Variants in BUB1B observed in about 807,000 individuals in gnomAD.
The protein encoded by BUB1B is mitotic checkpoint serine/threonine-protein kinase BUB1 beta.
Under a neutral mutation model 137.7 loss-of-function variants are expected in BUB1B, and 86 were observed. The ratio of observed to expected loss-of-function variants is 0.62; its 90% CI spans 0.52 to 0.75. The LOEUF is 0.75. Ranked by LOEUF, BUB1B falls within the 30% of genes least tolerant of loss-of-function variation. The probability of loss-of-function intolerance (pLI) is 0.00; values close to 1 mark genes in which losing one functional copy is unlikely to be tolerated. For missense variants in BUB1B, 1,130 were observed against 1,236.9 expected, an observed-to-expected ratio of 0.91 and a Z score of 1.30; for synonymous variants, 420 against 417.9, an observed-to-expected ratio of 1.00 and a Z score of -0.06.
At chr15:40,208,598 T>G (rs754565503) in intron 15 of BUB1B, 39 bp from the exon 16 acceptor site, 2 of 1,553,878 alleles carry the variant, frequency 1.3e-6, no homozygotes, top group East Asian at 4.7e-5. Flanking sequence ...TTGATATATA[T>G]TATTCCTATA....
rs1222969573 is a variant in BUB1B at position 40,200,379 on chromosome 15, AG to A, written c.1517+23del. The A allele has an allele frequency of 6.3e-7, 1 of 1,585,456 alleles. No individual in the cohort carries two copies. The highest frequency in any genetic ancestry group is 1.7e-5 in the Admixed American group (1 of 59,928). On this transcript the variant is annotated intron_variant, in intron 11 of 22. Transcript: ENST00000287598. ...TGCCAGGTAAGACTACATAGGTGGA[AG>A]GGACAATGCATATAGGAGGGCATTT...
rs2037533683 is a variant in BUB1B at position 40,199,192 on chromosome 15, C to T, written c.1289-423C>T. Among the ~76,000 whole-genome samples the T allele has an allele frequency of 2.0e-5, 3 of 152,156 alleles. No homozygotes were observed. The South Asian group carries it at 6.2e-4, about 32-fold the overall frequency. ...TCCCTGATCACTGGTCTTAAGTAGC[C>T]CTCCCTTGGCCTCCATCTCCCTACC... On this transcript the variant is annotated intron_variant, in intron 9 of 22. Transcript: ENST00000287598.
At position 40,205,175 on chromosome 15, in the gene BUB1B, G is replaced by C. The variant is rs562546502; in HGVS notation, c.1735-1009G>C. 2.6e-5 allele frequency among the ~76,000 whole-genome samples: 4 copies of C among 152,206 alleles called. No homozygotes were observed. The South Asian group carries it at 8.3e-4, about 32-fold the overall frequency. On this transcript the variant is annotated intron_variant, in intron 14 of 22. Transcript: ENST00000287598. ...TTGGCCAGGCTGGTCTCGAGCGCCT[G>C]ACCTCAGGTGATCCACCCAACTCAG...
Position 40,206,464 on chromosome 15 carries a change from T to C in BUB1B, c.2009+6T>C. 1 of 1,614,090 alleles carries C rather than the reference T, an allele frequency of 6.2e-7. No individual in the cohort carries two copies. Among genetic ancestry groups the C allele is most frequent in the Non-Finnish European group, 8.5e-7 (1 of 1,180,002 alleles). ...CTCAGCATCAAGAAGCTGAGGTGAT[T>C]GGGGATTTACAGGTTTTACAAACCA... On this transcript the variant is annotated splice_donor_region_variant and intron_variant, in intron 15 of 22. Coordinates refer to ENST00000287598, the MANE Select transcript of BUB1B (RefSeq NM_001211.6).
At chr15:40,217,795 C>A in intron 21 of BUB1B, 128 bp downstream of exon 21, 1 of 1,131,956 alleles carries the variant, frequency 8.8e-7, no homozygotes, top group Non-Finnish European at 1.3e-6. Flanking sequence ...TTTCAAATAT[C>A]ACCAAGTCAA....
intron 19 of BUB1B, 98 bp from the exon 20 acceptor site, chr15:40,213,234 A>G: frequency 7.3e-7 from 1 of 1,371,978 alleles, no homozygotes; most frequent in Middle Eastern, 2.5e-4. Context: ...CCAGTAGAGA[A>G]CAAGGAAGAC....
At chr15:40,172,911 C>T (rs1281379808) in intron 4 of BUB1B, among the ~76,000 whole-genome samples, 1 of 152,116 alleles carries the variant, frequency 6.6e-6, no homozygotes, top group East Asian at 1.9e-4. Context: ...TCTGTGGACC[C>T]TGGTGGTGTA....
chr15:40,177,389 T>C lies in BUB1B; in HGVS notation c.581+716T>C, dbSNP rs1302020276. Reference sequence around the variant, plus strand: ...TTTTTACATTTAGATCCCTGATCCATTTTGAGTTAATTTTTGTAGAGGATA... The same window carrying C: ...TTTTTACATTTAGATCCCTGATCCACTTTGAGTTAATTTTTGTAGAGGATA... On this transcript the variant is annotated intron_variant, in intron 5 of 22. Coordinates refer to ENST00000287598, the MANE Select transcript of BUB1B (RefSeq NM_001211.6). 2.6e-5 allele frequency among the ~76,000 whole-genome samples: 4 copies of C among 152,118 alleles called. No individual in the cohort carries two copies. The East Asian group carries it at 7.7e-4, about 29-fold the overall frequency.
chr15:40,170,121 G>C lies in BUB1B; in HGVS notation c.239G>C (p.Arg80Thr), dbSNP rs1566815941. The C allele has an allele frequency of 6.2e-7, 1 of 1,612,302 alleles. No homozygotes were observed. Among genetic ancestry groups the C allele is most frequent in the Middle Eastern group, 1.7e-4 (1 of 6,060 alleles). The change falls in exon 3 of 23, where the codon AGG becomes ACG. Residue 80 changes from arginine to threonine, a missense_variant and splice_region_variant. Transcript: ENST00000287598. ...TGNDPLDVWD[R>T]YISWTEQNYP... The stretch of plus-strand genomic sequence containing the variant: ...AATGACCCTCTGGATGTTTGGGATA[G>C]GTGGGTCTTTTTATTTCACAAGGAC...
intron 18 of BUB1B, among the ~76,000 whole-genome samples, chr15:40,210,579 G>A (rs1056657773): frequency 2.2e-4 from 33 of 152,070 alleles, no homozygotes; most frequent in Middle Eastern, 3.4e-3. Context: ...GCATGATCAC[G>A]GCTCACTGCA....
At chr15:40,197,749 T>G (rs1282652707) in intron 9 of BUB1B, among the ~76,000 whole-genome samples, 3 of 152,186 alleles carry the variant, frequency 2.0e-5, no homozygotes. Context: ...TGAAATTGCC[T>G]TCATTTGTTA....
chr15:40,170,266 T>C (rs2037146826), intron 3 of BUB1B, 145 bp downstream of exon 3: 2 of 841,872 alleles, frequency 2.4e-6, no homozygotes, highest in African/African-American at 3.4e-5. Context: ...AATCATAATA[T>C]ATCTTCCTGA....
rs1446976292 is a variant in BUB1B, at chr15:40,212,663, A to G, written c.2535+15A>G. 4 of 1,609,966 alleles carry G rather than the reference A, an allele frequency of 2.5e-6. No homozygotes were observed. Among genetic ancestry groups the G allele is most frequent in the African/African-American group, 2.7e-5 (2 of 74,814 alleles). ...TCACCCTTCAGGTCTGTAATACTAAAAACATAATTTAAAGTCCTGAAGTAG... is the reference window on the plus strand; with the variant it reads ...TCACCCTTCAGGTCTGTAATACTAAGAACATAATTTAAAGTCCTGAAGTAG... On this transcript the variant is annotated intron_variant, in intron 19 of 22. Transcript: ENST00000287598.
intron 12 of BUB1B, 64 bp from the exon 13 acceptor site, chr15:40,202,341 T>G: frequency 7.5e-7 from 1 of 1,339,562 alleles, no homozygotes; most frequent in Non-Finnish European, 1.1e-6. Flanking sequence ...GATTAATTTA[T>G]CTGGTTGTCT....
chr15:40,195,770 T>G (rs1010664589), intron 8 of BUB1B, among the ~76,000 whole-genome samples: 4 of 152,136 alleles, frequency 2.6e-5, no homozygotes, highest in African/African-American at 4.8e-5. Flanking sequence ...CGTTGGCCAT[T>G]TGTTTATCTT....
intron 5 of BUB1B, among the ~76,000 whole-genome samples, chr15:40,178,766 A>G (rs1241806648): frequency 4.6e-5 from 7 of 152,106 alleles, no homozygotes; most frequent in Non-Finnish European, 8.8e-5. Flanking sequence ...CCCCTGTATC[A>G]TTATATAATG....
chr15:40,209,206 G>A (rs927862160), intron 16 of BUB1B, among the ~76,000 whole-genome samples: 2 of 152,184 alleles, frequency 1.3e-5, no homozygotes, highest in South Asian at 2.1e-4. Context: ...GATCACGAGG[G>A]TCAGGAGATC....
intron 2 of BUB1B, chr15:40,166,456 C>A: frequency 2.8e-6 from 1 of 357,916 alleles, no homozygotes; most frequent in Non-Finnish European, 5.3e-6. Context: ...TCTCCTGCCT[C>A]AGCCTCCTGA....
chr15:40,170,201 A>G (rs1339096691), intron 3 of BUB1B, 80 bp downstream of exon 3: 4 of 1,346,954 alleles, frequency 3.0e-6, no homozygotes, highest in Non-Finnish European at 4.3e-6. Context: ...ATTGGGGTAT[A>G]TGGAGTGTGT....
Sources: allele counts gnomAD v4.1 joint callset (sites outside exome capture counted in the v4.1 genomes callset), GRCh38; gene constraint gnomAD v4.1.1; transcripts MANE v1.5; gene names NCBI Gene and HGNC (gene_info 2026-07-23, HGNC 2026-07-21).